The following KAT6B variants were observed in gnomAD, a reference collection of about 807,000 sequenced individuals.
KAT6B encodes the protein histone acetyltransferase KAT6B.
Under a neutral mutation model 187.5 loss-of-function variants are expected in KAT6B, and 10 were observed. That is an observed-to-expected ratio of 0.05 (90% CI 0.03 to 0.09). KAT6B has a LOEUF of 0.09. Among genes scored for constraint, KAT6B ranks in the 10% least tolerant of loss-of-function variants. The pLI, the probability that KAT6B is intolerant of heterozygous loss-of-function variation, is 1.00. For synonymous variants in KAT6B, 861 were observed against 926.8 expected (o/e 0.93, Z 1.29); for missense variants, 1,952 against 2,558.9 (o/e 0.76, Z 5.12).
At chr10:74,880,394 A>G (rs1405136330) in intron 3 of KAT6B, among the ~76,000 whole-genome samples, 2 of 152,248 alleles carry the variant, frequency 1.3e-5, no homozygotes, top group Non-Finnish European at 1.5e-5. Context: ...TTTAAGCTGT[A>G]GTATGTATCA....
At chr10:74,974,352 A>C (rs1842028020) in intron 7 of KAT6B, among the ~76,000 whole-genome samples, 1 of 152,200 alleles carries the variant, frequency 6.6e-6, no homozygotes, top group Non-Finnish European at 1.5e-5. Context: ...TACTTAAGAT[A>C]TTTTTATAAT....
chr10:74,952,289 G>A (rs942308602), intron 3 of KAT6B, among the ~76,000 whole-genome samples: 262 of 670 alleles, frequency 0.39, no homozygotes, highest in African/African-American at 0.47. Context: ...CCTGGAGATC[G>A]AGCTGGAGTG....
chr10:74,985,077 T>C lies in KAT6B; in HGVS notation c.2374-3T>C, dbSNP rs918213648. 1 of 1,613,534 alleles carries C rather than the reference T, an allele frequency of 6.2e-7. No individual in the cohort carries two copies. The highest frequency in any genetic ancestry group is 8.5e-7 in the Non-Finnish European group (1 of 1,179,590). On this transcript the variant is annotated splice_polypyrimidine_tract_variant and splice_region_variant and intron_variant, in intron 11 of 17. Transcript: ENST00000287239. ...AATAATGTTGTCTGTTTCTTTTTGC[T>C]AGGTTGATGGGAATATGAGCAAAAT...
chr10:74,842,976 A>G lies in KAT6B; in HGVS notation c.119A>G (p.His40Arg), dbSNP rs1367725176. 5 of 1,614,058 alleles carry G rather than the reference A, an allele frequency of 3.1e-6. No homozygotes were observed. In the South Asian group the frequency reaches 3.3e-5, roughly 11 times the overall value. ...ERICHAVSTS[H>R]GLDKKTVSEQ... is the part of the protein sequence containing the mutation. ...ATCTGCCATGCGGTCAGTACTTCCCATGGGTTGGATAAGAAGACAGTCTCT... is the reference window on the plus strand; with the variant it reads ...ATCTGCCATGCGGTCAGTACTTCCCGTGGGTTGGATAAGAAGACAGTCTCT... The change falls in exon 3 of 18, where the codon CAT becomes CGT. Residue 40 changes from histidine to arginine, a missense_variant. By Grantham distance (29) the His-to-Arg change is conservative. Transcript: ENST00000287239.
intron 3 of KAT6B, among the ~76,000 whole-genome samples, chr10:74,880,732 C>T (rs951964125): frequency 3.9e-5 from 6 of 152,082 alleles, no homozygotes; most frequent in African/African-American, 1.4e-4. Flanking sequence ...TCTCCTGCCT[C>T]AGCCTCCCAA....
At chr10:74,847,148 A>G (rs1178274061) in intron 3 of KAT6B, among the ~76,000 whole-genome samples, 1 of 152,232 alleles carries the variant, frequency 6.6e-6, no homozygotes, top group Admixed American at 6.5e-5. Context: ...TTTATTGCTT[A>G]GCAGGCAATT....
At chr10:74,882,700 C>T (rs749906336) in intron 3 of KAT6B, among the ~76,000 whole-genome samples, 2 of 152,204 alleles carry the variant, frequency 1.3e-5, no homozygotes, top group Non-Finnish European at 2.9e-5. Context: ...TGTGAGATTG[C>T]TTACCTTAAA....
In KAT6B at chr10:75,013,729, A is replaced by G. The variant is rs115762535; in HGVS notation, c.2630-6853A>G. Among the ~76,000 whole-genome samples the G allele has an allele frequency of 4.9e-3, 748 of 152,288 alleles. 6 individuals carry two copies. Among genetic ancestry groups the G allele is most frequent in the African/African-American group, 0.017 (713 of 41,556 alleles). ...GTTCTGCATGTTTCATATTAACTCA[A>G]TCCTTACCAGAACTGTAACAGTTAG... On this transcript the variant is annotated intron_variant, in intron 13 of 17. Transcript: ENST00000287239.
At chr10:74,878,636 A>G (rs1181432007) in intron 3 of KAT6B, among the ~76,000 whole-genome samples, 1 of 151,996 alleles carries the variant, frequency 6.6e-6, no homozygotes, top group Admixed American at 6.6e-5. Context: ...AAAAAAAAAA[A>G]AAAGACATTT....
In KAT6B at chr10:74,975,615, A is replaced by G. The variant is rs74146263; in HGVS notation, c.1278A>G (p.Lys426=). The G allele has an allele frequency of 1.2e-6, 2 of 1,614,116 alleles. No homozygotes were observed. The highest frequency in any genetic ancestry group is 1.3e-5 in the African/African-American group (1 of 75,034). ...CCTACATTTCTGCCTCTACACTTAAAGTTAACAAGAAAACCAAAGGGCTCA... is the reference window on the plus strand; with the variant it reads ...CCTACATTTCTGCCTCTACACTTAAGGTTAACAAGAAAACCAAAGGGCTCA... ...TSTYISASTL[K]VNKKTKGLID... is the part of the protein sequence containing the mutation. The change falls in exon 8 of 18, where the codon AAA becomes AAG. Residue 426 remains lysine (K), a synonymous_variant. Transcript: ENST00000287239.
At chr10:74,899,899 CAATT>C (rs1846260585) in intron 3 of KAT6B, among the ~76,000 whole-genome samples, 1 of 152,022 alleles carries the variant, frequency 6.6e-6, no homozygotes, top group Admixed American at 6.6e-5. Flanking sequence ...CATAGCAAAA[CAATT>C]AATAAAACTT....
At chr10:74,900,737 A>G (rs1846321862) in intron 3 of KAT6B, among the ~76,000 whole-genome samples, 1 of 152,258 alleles carries the variant, frequency 6.6e-6, no homozygotes, top group Non-Finnish European at 1.5e-5. Context: ...GGAAATGTGC[A>G]TAGCAGTCCC....
chr10:75,025,813 C>G (rs1422481675), intron 17 of KAT6B: 1 of 159,036 alleles, frequency 6.3e-6, no homozygotes, highest in Non-Finnish European at 1.4e-5. Flanking sequence ...TCACTTGAGC[C>G]CAGGAGTTTG....
intron 3 of KAT6B, among the ~76,000 whole-genome samples, chr10:74,858,827 C>T (rs559688894): frequency 3.3e-5 from 5 of 151,948 alleles, no homozygotes; most frequent in South Asian, 4.1e-4. Context: ...TGGTGGCTCA[C>T]GCCTGTAGTC....
chr10:74,979,181 G>C lies in KAT6B; in HGVS notation c.2116-43G>C, dbSNP rs887551700. On this transcript the variant is annotated intron_variant, in intron 9 of 17. Transcript: ENST00000287239. ...CTGGTGAAAGAACCAAAATGTAAGT[G>C]AAGTATATATATTATTATTTTCCTT... 5.1e-6 allele frequency: 7 copies of C among 1,367,168 alleles called. No individual in the cohort carries two copies. In the African/African-American group the frequency reaches 7.2e-5, roughly 14 times the overall value. 84.7% of individuals were successfully genotyped at this position (1,367,168 alleles called of 1,614,324 possible).
chr10:74,934,421 T>C (rs1303820233), intron 3 of KAT6B, among the ~76,000 whole-genome samples: 1 of 152,164 alleles, frequency 6.6e-6, no homozygotes, highest in Non-Finnish European at 1.5e-5. Flanking sequence ...GGCTTGTCTT[T>C]CTCCTTTCCT....
intron 13 of KAT6B, among the ~76,000 whole-genome samples, chr10:74,991,888 C>T (rs1469913538): frequency 6.6e-6 from 1 of 152,068 alleles, no homozygotes; most frequent in Admixed American, 6.5e-5. Flanking sequence ...ATTAATAGCA[C>T]CTTCTCTTGG....
At chr10:74,972,250 C>CA (rs1001945861) in intron 6 of KAT6B, among the ~76,000 whole-genome samples, 6 of 151,902 alleles carry the variant, frequency 3.9e-5, no homozygotes, top group African/African-American at 1.2e-4. Flanking sequence ...TGGTGAGAGG[C>CA]TTAATGACAT....
chr10:74,930,858 T>C (rs1421466291), intron 3 of KAT6B, among the ~76,000 whole-genome samples: 2 of 152,184 alleles, frequency 1.3e-5, no homozygotes, highest in Non-Finnish European at 2.9e-5. Context: ...GATTGTAATT[T>C]CCCCCTCGAC....
Sources: allele counts gnomAD v4.1 joint callset (sites outside exome capture counted in the v4.1 genomes callset), GRCh38; gene constraint gnomAD v4.1.1; transcripts MANE v1.5; gene names NCBI Gene and HGNC (gene_info 2026-07-23, HGNC 2026-07-21).